Variants in AP5Z1 observed in about 807,000 individuals in gnomAD.
The protein encoded by AP5Z1 is AP-5 complex subunit zeta-1.
AP5Z1 carries 106 observed loss-of-function variants against 83.0 expected under a neutral mutation model. That is an observed-to-expected ratio of 1.28 (90% CI 1.09 to 1.50). The LOEUF is 1.50. Among genes scored for constraint, AP5Z1 ranks in the 40% most tolerant of loss-of-function variants. The pLI, the probability that AP5Z1 is intolerant of heterozygous loss-of-function variation, is 0.00. For synonymous variants in AP5Z1, 751 were observed against 514.1 expected (o/e 1.46, Z -6.23); for missense variants, 1,565 against 1,094.2 (o/e 1.43, Z -6.07).
At position 4,789,894 on chromosome 7, in the gene AP5Z1, C is replaced by G; in HGVS notation, c.1770C>G (p.Leu590=). ...TGCTCCTGGGCAGGAGCGACTCGCT[C>G]TACCCGGCCCCAGGGTACGCTGCCG... ...ALLLLGRSDS[L]YPAPGYAAGV... The change falls in exon 14 of 17, where the codon CTC becomes CTG. Residue 590 remains leucine (L), a synonymous_variant. Transcript: ENST00000649063. 2.6e-6 allele frequency: 4 copies of G among 1,551,180 alleles called. No individual in the cohort carries two copies. Among genetic ancestry groups the G allele is most frequent in the African/African-American group, 1.4e-5 (1 of 73,208 alleles).
At chr7:4,789,990 T>TC in intron 14 of AP5Z1, 61 bp downstream of exon 14, 37 of 733,560 alleles carry the variant, frequency 5.0e-5, no homozygotes, top group South Asian at 2.6e-4. Flanking sequence ...CTCCTCCCCC[T>TC]CTCCCCTCCC....
In AP5Z1 at chr7:4,790,832, G is replaced by T. The variant is rs11766611; in HGVS notation, c.2098G>T (p.Val700Leu). Residue 700 changes from valine to leucine, a missense_variant, in exon 16 of 17, where the codon GTG becomes TTG. Coordinates refer to ENST00000649063, the MANE Select transcript of AP5Z1 (RefSeq NM_014855.3). Reference sequence around the variant, plus strand: ...CAGGTGTCCCCCCCAGGTGGTCACCGTGCTGATGACCACGCTGACGAAGCT... The same window carrying T: ...CAGGTGTCCCCCCCAGGTGGTCACCTTGCTGATGACCACGCTGACGAAGCT... ...LPRCPPQVVT[V>L]LMTTLTKLAS... The T allele has an allele frequency of 6.2e-7, 1 of 1,609,118 alleles. No individual in the cohort carries two copies. Among genetic ancestry groups the T allele is most frequent in the Non-Finnish European group, 8.5e-7 (1 of 1,178,812 alleles).
Position 4,791,326 on chromosome 7 carries a change from C to T in AP5Z1, c.2365C>T (p.Leu789=), listed in dbSNP as rs1161375928. 2 of 1,610,018 alleles carry T rather than the reference C, an allele frequency of 1.2e-6. No homozygotes were observed. Among genetic ancestry groups the T allele is most frequent in the South Asian group, 1.1e-5 (1 of 90,668 alleles). ...YHRDANTALP[L]ALRTVSRLVE... ...CCGCGATGCCAACACGGCCCTGCCCCTGGCCCTGCGCACGGTCAGCCGGCT... is the reference window on the plus strand; with the variant it reads ...CCGCGATGCCAACACGGCCCTGCCCTTGGCCCTGCGCACGGTCAGCCGGCT... Residue 789 remains leucine, a synonymous_variant, in exon 17 of 17, where the codon CTG becomes TTG. Coordinates refer to ENST00000649063, the MANE Select transcript of AP5Z1 (RefSeq NM_014855.3).
intron 5 of AP5Z1, among the ~76,000 whole-genome samples, 182 bp downstream of exon 5, chr7:4,783,980 G>A (rs867471727): frequency 1.3e-5 from 2 of 152,206 alleles, no homozygotes; most frequent in Admixed American, 6.5e-5. Flanking sequence ...GGCTCTGGGG[G>A]TCTGTGCGCG....
At position 4,790,573 on chromosome 7, in the gene AP5Z1, G is replaced by T. The variant is rs369767394; in HGVS notation, c.1920G>T (p.Ala640=). Reference sequence around the variant, plus strand: ...GCGTGAATGGTCTCTGCAGCAGGGCGAGCCTCGTCACCAGCGTGGTAAGGC... The same window carrying T: ...GCGTGAATGGTCTCTGCAGCAGGGCTAGCCTCGTCACCAGCGTGGTAAGGC... The part of the protein sequence containing the change: ...LGSVNGLCSR[A]SLVTSVVWAI... Residue 640 remains alanine (A), a synonymous_variant, in exon 15 of 17, where the codon GCG becomes GCT. Transcript: ENST00000649063. 1.3e-5 allele frequency: 21 copies of T among 1,612,906 alleles called. No homozygotes were observed. The African/African-American group carries it at 2.7e-4, about 21-fold the overall frequency.
chr7:4,787,922 A>G, intron 11 of AP5Z1, 146 bp downstream of exon 11: 1 of 1,193,428 alleles, frequency 8.4e-7, no homozygotes, highest in Non-Finnish European at 1.1e-6. Context: ...CTGCAAAGCC[A>G]CCTCTAGGAC....
chr7:4,779,240 A>C (rs1781309099), intron 1 of AP5Z1, among the ~76,000 whole-genome samples: 1 of 146,970 alleles, frequency 6.8e-6, no homozygotes, highest in African/African-American at 2.5e-5. Context: ...GATATAACAT[A>C]TATAACATTA....
intron 16 of AP5Z1, 36 bp from the exon 17 acceptor site, chr7:4,791,079 G>A: frequency 2.0e-6 from 3 of 1,532,148 alleles, no homozygotes; most frequent in African/African-American, 1.4e-5. Context: ...TGGGAGGGGA[G>A]CATCTGCAGC....
intron 11 of AP5Z1, 41 bp from the exon 12 acceptor site, chr7:4,788,113 G>A: frequency 6.7e-7 from 1 of 1,486,518 alleles, no homozygotes; most frequent in Non-Finnish European, 9.0e-7. Context: ...TTGAGTGCAG[G>A]GGCCGCATCC....
At chr7:4,785,823 T>C in intron 9 of AP5Z1, 139 bp downstream of exon 9, 2 of 1,237,582 alleles carry the variant, frequency 1.6e-6, no homozygotes, top group Non-Finnish European at 2.1e-6. Flanking sequence ...CCCAGGCTGG[T>C]CTGGAACTCG....
chr7:4,780,849 A>C (rs550755610), intron 1 of AP5Z1, among the ~76,000 whole-genome samples: 1 of 152,306 alleles, frequency 6.6e-6, no homozygotes, highest in East Asian at 1.9e-4. Flanking sequence ...TTCTAGAGTA[A>C]ATTTCCTACT....
Position 4,791,574 on chromosome 7 carries a change from G to A in AP5Z1, c.*189G>A, listed in dbSNP as rs548571464. ...TGCTCACCCTCTGGGCTTTGTCTCC[G>A]AGCCTTTTGCTCCCAGGCAACACTG... On this transcript the variant is annotated 3_prime_UTR_variant, in exon 17 of 17. Coordinates refer to ENST00000649063, the MANE Select transcript of AP5Z1 (RefSeq NM_014855.3). 7.2e-5 allele frequency: 62 copies of A among 861,682 alleles called. No individual in the cohort carries two copies. In the East Asian group the frequency reaches 7.3e-4, roughly 10 times the overall value. The allele number at this position is 861,682 out of a possible 1,614,324, so 53.4% of individuals were successfully genotyped here. A position where few individuals can be genotyped will look rare whatever the true frequency, so the allele number is the denominator to read the frequency against.
Position 4,788,859 on chromosome 7 carries a change from C to G in AP5Z1, c.1615C>G (p.Leu539Val), listed in dbSNP as rs1221335989. The G allele has an allele frequency of 4.4e-6, 7 of 1,608,098 alleles. No homozygotes were observed. Among genetic ancestry groups the G allele is most frequent in the African/African-American group, 2.7e-5 (2 of 74,852 alleles). The change falls in exon 13 of 17, where the codon CTG becomes GTG. Residue 539 changes from leucine to valine, a missense_variant. Leu to Val is a conservative substitution (Grantham distance 32). Transcript: ENST00000649063. ...CCTCAGGTTGGCGCCACTCCACCAG[C>G]TGCTGCAGCCCATGGCCGGCTGTGC... ...ATERLAPLHQLLQPMAGCARV... is the reference protein window; with the variant it reads ...ATERLAPLHQVLQPMAGCARV...
intron 9 of AP5Z1, 86 bp from the exon 10 acceptor site, chr7:4,786,164 C>G: frequency 7.2e-7 from 1 of 1,382,714 alleles, no homozygotes; most frequent in Non-Finnish European, 9.6e-7. Context: ...GGAGAGCAGG[C>G]CTGAGACTCA....
intron 13 of AP5Z1, among the ~76,000 whole-genome samples, chr7:4,789,226 C>T (rs913514475): frequency 6.7e-6 from 1 of 149,866 alleles, no homozygotes. Flanking sequence ...CCGTCCCATC[C>T]CCTTCATCCC....
In AP5Z1 at chr7:4,790,852, G is replaced by T. The variant is rs374137416; in HGVS notation, c.2118G>T (p.Thr706=). ...QVVTVLMTTL[T]KLASRSQDLI... Reference sequence around the variant, plus strand: ...TCACCGTGCTGATGACCACGCTGACGAAGCTGGCCTCCCGGAGCCAAGATC... The same window carrying T: ...TCACCGTGCTGATGACCACGCTGACTAAGCTGGCCTCCCGGAGCCAAGATC... The change falls in exon 16 of 17, where the codon ACG becomes ACT. Residue 706 remains threonine, a synonymous_variant. Coordinates refer to ENST00000649063, the MANE Select transcript of AP5Z1 (RefSeq NM_014855.3). The T allele has an allele frequency of 1.9e-6, 3 of 1,608,164 alleles. No individual in the cohort carries two copies. The highest frequency in any genetic ancestry group is 1.3e-5 in the African/African-American group (1 of 74,960).
intron 1 of AP5Z1, among the ~76,000 whole-genome samples, chr7:4,779,217 A>G (rs1365919293): frequency 6.9e-6 from 1 of 145,428 alleles, no homozygotes; most frequent in African/African-American, 2.5e-5. Context: ...TATATTATGT[A>G]TAACATATAT....
At chr7:4,786,673 G>A (rs1024862404) in intron 10 of AP5Z1, among the ~76,000 whole-genome samples, 4 of 152,178 alleles carry the variant, frequency 2.6e-5, no homozygotes, top group African/African-American at 9.7e-5. Context: ...ACACAAGACG[G>A]TGAGTTTGTT....
At chr7:4,789,101 C>T (rs952096253) in intron 13 of AP5Z1, 150 bp downstream of exon 13, 6 of 663,946 alleles carry the variant, frequency 9.0e-6, no homozygotes, top group South Asian at 5.8e-5. Context: ...CAGGGAGGCA[C>T]ATGCCACAGC....
Sources: gnomAD v4.1 joint callset for allele counts (sites outside exome capture counted in the v4.1 genomes callset) on GRCh38, gnomAD v4.1.1 for gene constraint, MANE v1.5 for transcripts, NCBI Gene and HGNC (gene_info 2026-07-23, HGNC 2026-07-21) for gene names.